TERF1: variants seen among roughly 807,000 people sequenced by gnomAD.
TERF1 encodes the protein telomeric repeat-binding factor 1.
In TERF1, 20 loss-of-function variants were observed where a neutral mutation model predicts 55.1. The ratio of observed to expected loss-of-function variants is 0.36; its 90% confidence interval spans 0.26 to 0.53. The LOEUF (loss-of-function observed/expected upper bound fraction) is 0.53. Ranked by LOEUF, TERF1 falls within the 20% of genes least tolerant of loss-of-function variation. The pLI, the probability that TERF1 is intolerant of heterozygous loss-of-function variation, is 0.91. For synonymous variants in TERF1, 168 were observed against 181.2 expected, an observed-to-expected ratio of 0.93 and a Z score of 0.59; for missense variants, 439 against 535.7, an observed-to-expected ratio of 0.82 and a Z score of 1.78.
intron 6 of TERF1, 49 bp from the exon 7 acceptor site, chr8:73,030,287 G>A (rs1809227930): frequency 1.6e-6 from 2 of 1,267,220 alleles, no homozygotes; most frequent in African/African-American, 1.5e-5. Context: ...CTATCCTTAT[G>A]AAAAGTTTCT....
At chr8:73,024,327 AT>A (rs1808890848) in intron 4 of TERF1, among the ~76,000 whole-genome samples, 1 of 152,252 alleles carries the variant, frequency 6.6e-6, no homozygotes, top group African/African-American at 2.4e-5. Flanking sequence ...TGAGTGAAAT[AT>A]AGCAAGTTTC....
intron 9 of TERF1, chr8:73,043,346 CTT>C (rs1385009388): frequency 6.6e-6 from 1 of 152,086 alleles, no homozygotes; most frequent in Admixed American, 6.6e-5. Flanking sequence ...TAAAGTTACT[CTT>C]TTTCAATAGA....
At chr8:73,034,293 G>C (rs1341444142) in intron 8 of TERF1, among the ~76,000 whole-genome samples, 1 of 152,058 alleles carries the variant, frequency 6.6e-6, no homozygotes, top group Admixed American at 6.5e-5. Flanking sequence ...CACCACACCC[G>C]GCAGATTTTT....
rs756520730 is a variant in TERF1 at position 73,020,724 on chromosome 8, A to G, written c.456A>G (p.Glu152=). Residue 152 remains glutamate (E), a synonymous_variant, in exon 3 of 10, where the codon GAA becomes GAG. Transcript: ENST00000276603. The stretch of plus-strand genomic sequence containing the variant: ...ATGATGAACGAATTACACCCTTGGA[A>G]TCAGCCCTGATGATTTGGGGTTCAA... The part of the protein sequence containing the change: ...FENDERITPL[E]SALMIWGSIE... 1.9e-6 allele frequency: 3 copies of G among 1,604,086 alleles called. No individual in the cohort carries two copies. Among genetic ancestry groups the G allele is most frequent in the South Asian group, 2.2e-5 (2 of 89,564 alleles).
Position 73,020,671 on chromosome 8 carries a change from C to T in TERF1, c.416-13C>T, listed in dbSNP as rs1156690761. 13 of 1,575,284 alleles carry T rather than the reference C, an allele frequency of 8.3e-6. No homozygotes were observed. Among genetic ancestry groups the T allele is most frequent in the Admixed American group, 2.0e-5 (1 of 50,700 alleles). ...GCTTTCTGAGTTACTTATTTTTGTT[C>T]TGTTTTTAAAAGATGCACAGTTTGA... On this transcript the variant is annotated splice_polypyrimidine_tract_variant and intron_variant, in intron 2 of 9. Transcript: ENST00000276603.
intron 2 of TERF1, among the ~76,000 whole-genome samples, chr8:73,018,047 G>A (rs1808595974): frequency 6.6e-6 from 1 of 152,146 alleles, no homozygotes; most frequent in African/African-American, 2.4e-5. Flanking sequence ...AGATGTTTCT[G>A]AGGTATAGCA....
chr8:73,036,281 A>T (rs1380909231), intron 8 of TERF1, among the ~76,000 whole-genome samples: 2 of 152,204 alleles, frequency 1.3e-5, no homozygotes, highest in Non-Finnish European at 2.9e-5. Context: ...TGCCTATCTG[A>T]CTGGCTATAG....
intron 6 of TERF1, among the ~76,000 whole-genome samples, chr8:73,029,576 A>C (rs1809187772): frequency 8.5e-6 from 1 of 117,088 alleles, no homozygotes; most frequent in Non-Finnish European, 2.0e-5. Flanking sequence ...GTGCCACTGC[A>C]CTCCGGTGAC....
In TERF1 at chr8:73,029,647, C is replaced by T. The variant is rs570843573; in HGVS notation, c.888-689C>T. Among the ~76,000 whole-genome samples the T allele has an allele frequency of 4.5e-4, 68 of 152,142 alleles. 1 individual carries two copies. Among genetic ancestry groups the T allele is most frequent in the African/African-American group, 1.6e-3 (66 of 41,524 alleles). ...GTAATATTTGTATACAACCTACACA[C>T]ATCCTCCCATATACTTTAAATCATC... is the stretch of plus-strand genomic sequence containing the variant. On this transcript the variant is annotated intron_variant, in intron 6 of 9. Transcript: ENST00000276603.
intron 8 of TERF1, among the ~76,000 whole-genome samples, chr8:73,037,680 T>G (rs1293463486): frequency 1.6e-5 from 1 of 63,226 alleles, no homozygotes; most frequent in African/African-American, 7.1e-5. Flanking sequence ...ATATTATATA[T>G]AATATATATT....
chr8:73,026,775 T>C (rs1010704825), intron 5 of TERF1, among the ~76,000 whole-genome samples, 165 bp from the exon 6 acceptor site: 1 of 152,174 alleles, frequency 6.6e-6, no homozygotes, highest in African/African-American at 2.4e-5. Flanking sequence ...GCTGGCAGTG[T>C]CATAATTATT....
chr8:73,018,113 G>C (rs55703512), intron 2 of TERF1, among the ~76,000 whole-genome samples: 316 of 152,242 alleles, frequency 2.1e-3, no homozygotes, highest in African/African-American at 7.3e-3. Context: ...AGTTATATTG[G>C]TTTGTCTGCA....
At chr8:73,022,800 T>C (rs1263839663) in intron 4 of TERF1, among the ~76,000 whole-genome samples, 1 of 151,908 alleles carries the variant, frequency 6.6e-6, no homozygotes, top group Non-Finnish European at 1.5e-5. Flanking sequence ...AATTAAAAAT[T>C]AGCCAGGTGT....
At chr8:73,016,224 TTAGCTGTGCAGTAATCATGTATGGCTAG>T (rs1409648334) in intron 2 of TERF1, among the ~76,000 whole-genome samples, 14 of 152,168 alleles carry the variant, frequency 9.2e-5, no homozygotes, top group Admixed American at 5.9e-4. Flanking sequence ...TAGCCATATT[TTAGCTGTGCAGTAATCATGTATGGCTAG>T]TAGCTGTGCA....
At chr8:73,033,824 T>C (rs1414562957) in intron 8 of TERF1, among the ~76,000 whole-genome samples, 1 of 152,212 alleles carries the variant, frequency 6.6e-6, no homozygotes. Context: ...TTAGCACATT[T>C]TATTAGGTGT....
Position 73,047,795 on chromosome 8 carries a change from A to G in TERF1, c.*1658A>G, listed in dbSNP as rs2129948932. 6.6e-6 allele frequency: 1 copy of G among 152,272 alleles called. No individual in the cohort carries two copies. Among genetic ancestry groups the G allele is most frequent in the East Asian group, 1.9e-4 (1 of 5,184 alleles). 9.4% of individuals were successfully genotyped at this position (152,272 alleles called of 1,614,324 possible). A position where few individuals can be genotyped will look rare whatever the true frequency, so the allele number is the denominator to read the frequency against. On this transcript the variant is annotated 3_prime_UTR_variant, in exon 10 of 10. Transcript: ENST00000276603. ...TTGTTACACCACAAGATACTGCACT[A>G]TTTATTGGAGATATTTTGATGATTA...
intron 8 of TERF1, among the ~76,000 whole-genome samples, chr8:73,037,857 T>C (rs1586064496): frequency 9.0e-6 from 1 of 110,942 alleles, no homozygotes; most frequent in Non-Finnish European, 1.7e-5. Context: ...ATATAATATA[T>C]AAATATGATA....
chr8:73,039,770 GGT>G (rs35184446), intron 9 of TERF1, among the ~76,000 whole-genome samples: 11,852 of 136,208 alleles, frequency 0.087, 466 homozygotes, highest in South Asian at 0.13. Flanking sequence ...TTGTTTTTGT[GGT>G]GTGTGTGTGT....
At chr8:73,039,315 G>C in intron 9 of TERF1, 96 bp downstream of exon 9, 1 of 851,878 alleles carries the variant, frequency 1.2e-6, no homozygotes, top group South Asian at 2.2e-5. Flanking sequence ...CCAAAATTTT[G>C]AGTGTAAAAT....
Sources: allele counts gnomAD v4.1 joint callset (sites outside exome capture counted in the v4.1 genomes callset), GRCh38; gene constraint gnomAD v4.1.1; transcripts MANE v1.5; gene names NCBI Gene and HGNC (gene_info 2026-07-23, HGNC 2026-07-21).